The following GREB1L variants were observed in gnomAD, a reference collection of about 807,000 sequenced individuals.
GREB1L encodes GREB1 like retinoic acid receptor coactivator, also known as GREB1-like protein.
In GREB1L, 17 loss-of-function variants were observed where a neutral mutation model predicts 200.8. That is an observed-to-expected ratio of 0.08 (90% CI 0.06 to 0.13). The LOEUF is 0.13. GREB1L is among the 10% of genes least tolerant of loss of function. The probability of loss-of-function intolerance (pLI) is 1.00; values close to 1 mark genes in which losing one functional copy is unlikely to be tolerated. For synonymous variants in GREB1L, 789 were observed against 893.0 expected, an observed-to-expected ratio of 0.88 and a Z score of 2.08; for missense variants, 1,657 against 2,367.7, an observed-to-expected ratio of 0.70 and a Z score of 6.23.
At chr18:21,252,695 C>T (rs1250190470) in intron 1 of GREB1L, among the ~76,000 whole-genome samples, 1 of 151,982 alleles carries the variant, frequency 6.6e-6, no homozygotes, top group African/African-American at 2.4e-5. Context: ...TGGCAAAACC[C>T]TGTCTCTACT....
rs531353627 is a variant in GREB1L at position 21,302,052 on chromosome 18, A to G, written c.-120+59659A>G. On this transcript the variant is annotated intron_variant, in intron 1 of 32. Coordinates refer to ENST00000424526, the MANE Select transcript of GREB1L (RefSeq NM_001142966.3). ...GCATTTACCACATTTTAACTCTGGT[A>G]TGTTGAAATGAACATTGATAGCCTT... 7.9e-5 allele frequency among the ~76,000 whole-genome samples: 12 copies of G among 152,362 alleles called. No homozygotes were observed. In the East Asian group the frequency reaches 2.1e-3, roughly 27 times the overall value.
chr18:21,340,160 G>A (rs1367022063), intron 1 of GREB1L, among the ~76,000 whole-genome samples: 1 of 152,170 alleles, frequency 6.6e-6, no homozygotes, highest in Non-Finnish European at 1.5e-5. Flanking sequence ...GCTCACGCCT[G>A]TAATCCCAGC....
chr18:21,344,874 A>T (rs183581608), intron 1 of GREB1L, among the ~76,000 whole-genome samples: 55 of 152,334 alleles, frequency 3.6e-4, no homozygotes, highest in Admixed American at 3.3e-3. Context: ...ATCTCTCATC[A>T]TTGCAGACTG....
intron 7 of GREB1L, among the ~76,000 whole-genome samples, chr18:21,436,276 T>C (rs1452325475): frequency 2.0e-5 from 3 of 152,078 alleles, no homozygotes. Flanking sequence ...CACCAACATA[T>C]AGTTAAAGTC....
At chr18:21,356,604 C>G (rs906348037) in intron 1 of GREB1L, among the ~76,000 whole-genome samples, 1 of 152,076 alleles carries the variant, frequency 6.6e-6, no homozygotes, top group Non-Finnish European at 1.5e-5. Context: ...TTCATAACTT[C>G]GCTATTATGA....
Position 21,500,184 on chromosome 18 carries a change from C to A in GREB1L, c.3847C>A (p.Leu1283Ile), listed in dbSNP as rs1396964412. The A allele has an allele frequency of 1.0e-5, 16 of 1,550,476 alleles. No homozygotes were observed. Among genetic ancestry groups the A allele is most frequent in the Non-Finnish European group, 1.4e-5 (16 of 1,146,934 alleles). Residue 1283 changes from leucine (L) to isoleucine (I), a missense_variant, in exon 22 of 33, where the codon CTC becomes ATC. Leu to Ile is a conservative substitution (Grantham distance 5, BLOSUM62 2). Coordinates refer to ENST00000424526, the MANE Select transcript of GREB1L (RefSeq NM_001142966.3). ...NKDMSSEEQS[L>I]YYRQWTLARQ... The stretch of plus-strand genomic sequence containing the variant: ...GGACATGAGCAGTGAGGAGCAGTCC[C>A]TCTACTACAGGCAGTGGACCTTGGC...
chr18:21,359,311 G>T (rs1361496790), intron 1 of GREB1L, among the ~76,000 whole-genome samples: 2 of 152,122 alleles, frequency 1.3e-5, no homozygotes, highest in African/African-American at 4.8e-5. Context: ...TTAGCTGGGC[G>T]TGGTGGCAGG....
chr18:21,255,981 G>A (rs2037793313), intron 1 of GREB1L, among the ~76,000 whole-genome samples: 1 of 152,100 alleles, frequency 6.6e-6, no homozygotes, highest in Non-Finnish European at 1.5e-5. Context: ...TATTGAATAT[G>A]GATGATAGAG....
At chr18:21,376,333 G>T (rs2040068586) in intron 2 of GREB1L, among the ~76,000 whole-genome samples, 1 of 151,042 alleles carries the variant, frequency 6.6e-6, no homozygotes, top group Non-Finnish European at 1.5e-5. Flanking sequence ...TGGCCAGGCT[G>T]GTCTCAAACT....
chr18:21,268,558 CACATATATATATATATAT>C (rs1187636343), intron 1 of GREB1L, among the ~76,000 whole-genome samples: 91 of 86,670 alleles, frequency 1.0e-3, no homozygotes, highest in African/African-American at 5.5e-3. Flanking sequence ...CACACACACA[CACATATATATATATATAT>C]ATATATATAT....
intron 1 of GREB1L, among the ~76,000 whole-genome samples, chr18:21,352,403 G>A (rs1035205491): frequency 6.6e-6 from 1 of 151,478 alleles, no homozygotes; most frequent in Non-Finnish European, 1.5e-5. Flanking sequence ...TAAATACAGG[G>A]CTTAATTAAG....
intron 1 of GREB1L, among the ~76,000 whole-genome samples, chr18:21,305,808 ACTGGC>A (rs1476211761): frequency 5.3e-5 from 8 of 152,014 alleles, no homozygotes; most frequent in Non-Finnish European, 1.0e-4. Flanking sequence ...CCTTTCACTT[ACTGGC>A]CTTCTGACTA....
Position 21,499,970 on chromosome 18 carries a change from C to T in GREB1L, c.3633C>T (p.Leu1211=). 6.4e-7 allele frequency: 1 copy of T among 1,551,510 alleles called. No individual in the cohort carries two copies. Among genetic ancestry groups the T allele is most frequent in the Non-Finnish European group, 8.7e-7 (1 of 1,146,956 alleles). Residue 1211 remains leucine (L), a synonymous_variant, in exon 22 of 33, where the codon CTC becomes CTT. Transcript: ENST00000424526. ...PSSSSSGPRT[L]PWPGQPIRGC... ...CATCATCCTCAGGACCCAGGACCCT[C>T]CCATGGCCGGGACAGCCCATCAGAG... is the stretch of plus-strand genomic sequence containing the variant.
At chr18:21,405,205 G>A (rs2030037152) in intron 7 of GREB1L, among the ~76,000 whole-genome samples, 3 of 152,196 alleles carry the variant, frequency 2.0e-5, no homozygotes, top group Admixed American at 2.0e-4. Flanking sequence ...ATAAATGAGA[G>A]AACATGGTGT....
intron 1 of GREB1L, among the ~76,000 whole-genome samples, chr18:21,251,575 G>T (rs772868513): frequency 6.6e-6 from 1 of 152,114 alleles, no homozygotes; most frequent in Non-Finnish European, 1.5e-5. Flanking sequence ...AAACATTTTT[G>T]TAAAGCAAGA....
chr18:21,324,276 C>T (rs1278678253), intron 1 of GREB1L, among the ~76,000 whole-genome samples: 2 of 152,144 alleles, frequency 1.3e-5, no homozygotes, highest in Non-Finnish European at 2.9e-5. Flanking sequence ...CTGTATTGTC[C>T]TATTATCACA....
chr18:21,312,840 C>T (rs2038813794), intron 1 of GREB1L, among the ~76,000 whole-genome samples: 1 of 152,188 alleles, frequency 6.6e-6, no homozygotes, highest in African/African-American at 2.4e-5. Flanking sequence ...GTGTGAGCCA[C>T]TGCACCCGGT....
At chr18:21,448,696 C>T (rs972699111) in intron 11 of GREB1L, among the ~76,000 whole-genome samples, 1 of 152,216 alleles carries the variant, frequency 6.6e-6, no homozygotes, top group African/African-American at 2.4e-5. Flanking sequence ...ACTGTATTCT[C>T]ACTGCTTTCA....
intron 7 of GREB1L, among the ~76,000 whole-genome samples, chr18:21,432,109 G>A (rs1428899962): frequency 6.6e-6 from 1 of 151,538 alleles, no homozygotes; most frequent in Non-Finnish European, 1.5e-5. Context: ...ATTTTTAGTG[G>A]AGACAGGGTT....
Sources: gnomAD v4.1 joint callset for allele counts (sites outside exome capture counted in the v4.1 genomes callset) on GRCh38, gnomAD v4.1.1 for gene constraint, MANE v1.5 for transcripts, NCBI Gene and HGNC (gene_info 2026-07-23, HGNC 2026-07-21) for gene names.